LRP1B: variants seen among roughly 807,000 people sequenced by gnomAD.
LRP1B encodes LDL receptor related protein 1B.
A neutral mutation model predicts 556.6 loss-of-function variants in LRP1B; 217 were observed. The ratio of observed to expected loss-of-function variants is 0.39; its 90% CI spans 0.35 to 0.44. The LOEUF (loss-of-function observed/expected upper bound fraction) is 0.44. Among genes scored for constraint, LRP1B ranks in the 20% least tolerant of loss-of-function variants. The probability of loss-of-function intolerance (pLI) is 1.00; values close to 1 mark genes in which losing one functional copy is unlikely to be tolerated. For missense variants in LRP1B, 5,053 were observed against 5,620.8 expected, an observed-to-expected ratio of 0.90 and a Z score of 3.23; for synonymous variants, 2,047 against 1,865.8, an observed-to-expected ratio of 1.10 and a Z score of -2.50.
At chr2:141,210,231 C>T (rs1211272450) in intron 6 of LRP1B, among the ~76,000 whole-genome samples, 4 of 142,786 alleles carry the variant, frequency 2.8e-5, no homozygotes, top group East Asian at 4.0e-4. Context: ...TAAAAACTTA[C>T]GGAGGTCAGG....
chr2:141,022,787 A>C (rs2105401270), intron 11 of LRP1B, among the ~76,000 whole-genome samples: 1 of 152,086 alleles, frequency 6.6e-6, no homozygotes, highest in South Asian at 2.1e-4. Flanking sequence ...TGATAAAGAA[A>C]AACTTGGTAG....
chr2:140,908,661 AT>A (rs1263512174), intron 21 of LRP1B, among the ~76,000 whole-genome samples: 1 of 146,202 alleles, frequency 6.8e-6, no homozygotes, highest in Non-Finnish European at 1.5e-5. Flanking sequence ...GATATCAAAC[AT>A]TTTGGCGACT....
At chr2:141,134,355 A>G (rs1313116895) in intron 7 of LRP1B, among the ~76,000 whole-genome samples, 1 of 151,884 alleles carries the variant, frequency 6.6e-6, no homozygotes, top group Non-Finnish European at 1.5e-5. Flanking sequence ...GTCTTTGATT[A>G]CATCTCCCAC....
chr2:141,598,034 G>A (rs576872786), intron 2 of LRP1B, among the ~76,000 whole-genome samples: 33 of 152,066 alleles, frequency 2.2e-4, no homozygotes, highest in South Asian at 6.2e-4. Context: ...ACACAGAGCC[G>A]TGTATACAGA....
chr2:141,034,705 C>G (rs554766279), intron 11 of LRP1B, among the ~76,000 whole-genome samples: 244 of 149,080 alleles, frequency 1.6e-3, no homozygotes, highest in Middle Eastern at 0.01. Flanking sequence ...AGTCAGGAAA[C>G]AACAGGTGCT....
intron 1 of LRP1B, among the ~76,000 whole-genome samples, chr2:141,961,373 G>T (rs1489303236): frequency 6.6e-6 from 1 of 151,612 alleles, no homozygotes; most frequent in Non-Finnish European, 1.5e-5. Flanking sequence ...AAGATAAAAG[G>T]TTCATGATTG....
At chr2:141,495,467 CCA>C (rs1162669769) in intron 2 of LRP1B, among the ~76,000 whole-genome samples, 2 of 152,038 alleles carry the variant, frequency 1.3e-5, no homozygotes, top group Non-Finnish European at 2.9e-5. Flanking sequence ...CAGACATGAC[CCA>C]GTTTCAATCT....
rs575592380 is a variant in LRP1B, at chr2:141,561,876, G to T, written c.206-81343C>A. 3.3e-5 allele frequency among the ~76,000 whole-genome samples: 5 copies of T among 151,930 alleles called. No individual in the cohort carries two copies. In the South Asian group the frequency reaches 1.0e-3, roughly 32 times the overall value. ...TGTAAGTCTTAACATTACCACGATA[G>T]CTTATTTTTAAAAAATATTTTATTA... On this transcript the variant is annotated intron_variant, in intron 2 of 90. Coordinates refer to ENST00000389484, the MANE Select transcript of LRP1B (RefSeq NM_018557.3).
intron 43 of LRP1B, among the ~76,000 whole-genome samples, chr2:140,594,272 T>A (rs147022635): frequency 6.6e-6 from 1 of 152,158 alleles, no homozygotes; most frequent in African/African-American, 2.4e-5. Context: ...GCCTGGCCCA[T>A]GTTAAAAAAA....
chr2:140,562,854 G>A (rs1055506662), intron 43 of LRP1B, among the ~76,000 whole-genome samples: 2 of 151,942 alleles, frequency 1.3e-5, no homozygotes, highest in Non-Finnish European at 2.9e-5. Context: ...GGCCTCAAAC[G>A]ATCTGTCTGC....
intron 66 of LRP1B, among the ~76,000 whole-genome samples, chr2:140,392,109 T>TA (rs1369401513): frequency 2.0e-5 from 3 of 152,160 alleles, no homozygotes; most frequent in Admixed American, 6.6e-5. Flanking sequence ...CTCAGGACCC[T>TA]AAAATCACTA....
At position 141,318,424 on chromosome 2, in the gene LRP1B, T is replaced by C. The variant is rs574658410; in HGVS notation, c.344-63783A>G. On this transcript the variant is annotated intron_variant, in intron 3 of 90. Coordinates refer to ENST00000389484, the MANE Select transcript of LRP1B (RefSeq NM_018557.3). Reference sequence around the variant, plus strand: ...GGTTGTTTTCCTAAAGAAGTCAAATTTAAAATAACTCTTTAAGTATGGAAA... The same window carrying C: ...GGTTGTTTTCCTAAAGAAGTCAAATCTAAAATAACTCTTTAAGTATGGAAA... Among the ~76,000 whole-genome samples, 21 of 152,264 alleles carry C rather than the reference T, an allele frequency of 1.4e-4. 1 individual carries two copies. In the South Asian group the frequency reaches 4.3e-3, roughly 32 times the overall value.
intron 1 of LRP1B, among the ~76,000 whole-genome samples, chr2:142,114,360 C>T (rs187680418): frequency 6.6e-6 from 1 of 152,154 alleles, no homozygotes; most frequent in African/African-American, 2.4e-5. Context: ...TCAATTATTG[C>T]AGTGAATATT....
intron 43 of LRP1B, among the ~76,000 whole-genome samples, chr2:140,570,233 T>C (rs555994645): frequency 6.0e-5 from 9 of 150,316 alleles, no homozygotes; most frequent in Non-Finnish European, 4.5e-5. Context: ...CAATAAATCA[T>C]AAAATGAAAA....
chr2:141,498,356 C>CTTTTTTTTTTTTT (rs67454706), intron 2 of LRP1B, among the ~76,000 whole-genome samples: 1 of 144,090 alleles, frequency 6.9e-6, no homozygotes, highest in Non-Finnish European at 1.5e-5. Flanking sequence ...CTTTAAAATC[C>CTTTTTTTTTTTTT]TTTTTTTTTT....
intron 10 of LRP1B, among the ~76,000 whole-genome samples, chr2:141,053,510 C>T (rs2105452701): frequency 6.6e-6 from 1 of 152,048 alleles, no homozygotes; most frequent in Non-Finnish European, 1.5e-5. Context: ...TTAACATTTT[C>T]ATTTGTGGCT....
chr2:140,802,208 T>C (rs1690539767), intron 32 of LRP1B, among the ~76,000 whole-genome samples: 2 of 152,284 alleles, frequency 1.3e-5, no homozygotes, highest in Admixed American at 6.5e-5. Flanking sequence ...TTAAGGAAAT[T>C]TGTAAGGTCA....
intron 2 of LRP1B, among the ~76,000 whole-genome samples, chr2:141,523,635 T>G (rs1055975697): frequency 6.6e-6 from 1 of 152,150 alleles, no homozygotes; most frequent in African/African-American, 2.4e-5. Flanking sequence ...AAAATTCCCC[T>G]TCCTTTTTCT....
chr2:141,281,377 G>GA lies in LRP1B; in HGVS notation c.344-26737dup, dbSNP rs1433942316. ...TAGATTATAAAATAGAGACTTTGCA[G>GA]AAAAAAAATCTGAAAATTCTGGGTA... is the stretch of plus-strand genomic sequence containing the variant. On this transcript the variant is annotated intron_variant, in intron 3 of 90. Transcript: ENST00000389484. Among the ~76,000 whole-genome samples, 4 of 151,804 alleles carry GA rather than the reference G, an allele frequency of 2.6e-5. No individual in the cohort carries two copies. The East Asian group carries it at 5.8e-4, about 22-fold the overall frequency.
Sources: gnomAD v4.1 joint callset for allele counts (sites outside exome capture counted in the v4.1 genomes callset) on GRCh38, gnomAD v4.1.1 for gene constraint, MANE v1.5 for transcripts, NCBI Gene and HGNC (gene_info 2026-07-23, HGNC 2026-07-21) for gene names.